GGA2: variants seen among roughly 807,000 people sequenced by gnomAD.
GGA2 encodes the protein golgi associated, gamma adaptin ear containing, ARF binding protein 2, also known as ADP-ribosylation factor-binding protein GGA2.
A neutral mutation model predicts 79.5 loss-of-function variants in GGA2; 48 were observed. That is an observed-to-expected ratio of 0.60 (90% CI 0.48 to 0.77). The LOEUF (loss-of-function observed/expected upper bound fraction) is 0.77. Ranked by LOEUF, GGA2 falls within the 30% of genes least tolerant of loss-of-function variation. The pLI is 0.00. For synonymous variants in GGA2, 317 were observed against 302.0 expected (o/e 1.05, Z -0.51); for missense variants, 770 against 774.0 (o/e 0.99, Z 0.06).
intron 1 of GGA2, among the ~76,000 whole-genome samples, chr16:23,509,361 G>C (rs1181668374): frequency 6.6e-6 from 1 of 152,222 alleles, no homozygotes; most frequent in East Asian, 1.9e-4. Flanking sequence ...AGTTTCTTCT[G>C]CCTGGAATGC....
At chr16:23,506,466 G>C (rs1249405717) in intron 1 of GGA2, among the ~76,000 whole-genome samples, 4 of 152,158 alleles carry the variant, frequency 2.6e-5, no homozygotes, top group Admixed American at 6.5e-5. Context: ...GCGGGGAGAT[G>C]GGTAGGAGTG....
intron 1 of GGA2, among the ~76,000 whole-genome samples, chr16:23,501,781 T>TTTC (rs1964924465): frequency 6.6e-6 from 1 of 152,202 alleles, no homozygotes; most frequent in Non-Finnish European, 1.5e-5. Flanking sequence ...TGTTTAGGAT[T>TTTC]TTCATCGAGA....
chr16:23,520,940 T>C lies in GGA2; in HGVS notation c.8+853A>G, dbSNP rs533072534. Among the ~76,000 whole-genome samples the C allele has an allele frequency of 4.6e-5, 7 of 152,180 alleles. No homozygotes were observed. In the South Asian group the frequency reaches 6.2e-4, roughly 14 times the overall value. ...CCAAGTAGCTGGGATTATAGGTATG[T>C]ACCACCACACCTGGCTAATTTTTGT... On this transcript the variant is annotated intron_variant, in intron 1 of 5. Transcript: ENST00000569300.
At chr16:23,478,989 C>G (rs748968554) in intron 11 of GGA2, 78 bp from the exon 12 acceptor site, 6 of 962,988 alleles carry the variant, frequency 6.2e-6, no homozygotes, top group Admixed American at 3.4e-5. Context: ...CACACCCATC[C>G]TTTCTAGGAC....
intron 16 of GGA2, among the ~76,000 whole-genome samples, chr16:23,468,065 A>G (rs1326394581): frequency 1.3e-5 from 2 of 152,172 alleles, no homozygotes; most frequent in African/African-American, 4.8e-5. Flanking sequence ...GATATTCCAC[A>G]TATACCCCTA....
At chr16:23,517,060 C>T (rs574873854) in intron 2 of GGA2, among the ~76,000 whole-genome samples, 3 of 152,226 alleles carry the variant, frequency 2.0e-5, no homozygotes, top group South Asian at 4.1e-4. Flanking sequence ...CTGCTAAGTA[C>T]GATAATAAAT....
rs1027473119 is a variant in GGA2 at position 23,466,799 on chromosome 16, G to A, written c.*791C>T. On this transcript the variant is annotated 3_prime_UTR_variant, in exon 17 of 17. Transcript: ENST00000309859. ...AAATGCTGTGAAGGAAGAGGATGAG[G>A]ATGGAGATGAGGATCCTGAGAAGGG... is the stretch of plus-strand genomic sequence containing the variant. The A allele has an allele frequency of 1.3e-5, 2 of 152,876 alleles. No individual in the cohort carries two copies. The highest frequency in any genetic ancestry group is 1.3e-4 in the Admixed American group (2 of 15,292). The allele number at this position is 152,876 out of a possible 1,614,324, so 9.5% of individuals were successfully genotyped here.
In GGA2 at chr16:23,465,041, G is replaced by A; in HGVS notation, c.*2549C>T. 1 of 467,004 alleles carries A rather than the reference G, an allele frequency of 2.1e-6. No homozygotes were observed. Among genetic ancestry groups the A allele is most frequent in the East Asian group, 3.8e-5 (1 of 26,464 alleles). 28.9% of individuals were successfully genotyped at this position (467,004 alleles called of 1,614,324 possible). On this transcript the variant is annotated 3_prime_UTR_variant, in exon 17 of 17. Transcript: ENST00000309859. The stretch of plus-strand genomic sequence containing the variant: ...CCCGAAGAGTTCAAGATACTGGAAA[G>A]CACTGGCCATGAGTGCCAGATCTCC...
chr16:23,493,052 C>T (rs916984296), intron 4 of GGA2, among the ~76,000 whole-genome samples: 2 of 152,192 alleles, frequency 1.3e-5, no homozygotes, highest in Non-Finnish European at 2.9e-5. Flanking sequence ...AACTTTCACG[C>T]CACCCCTGGG....
intron 10 of GGA2, 60 bp downstream of exon 10, chr16:23,480,585 T>G: frequency 6.7e-7 from 1 of 1,486,022 alleles, no homozygotes; most frequent in Non-Finnish European, 9.3e-7. Context: ...ACCCATTTCT[T>G]TTCTGGGAAT....
At chr16:23,495,845 A>G (rs111556252) in intron 1 of GGA2, 67 bp from the exon 2 acceptor site, 1 of 959,490 alleles carries the variant, frequency 1.0e-6, no homozygotes, top group Non-Finnish European at 1.6e-6. Context: ...CCCCATACAC[A>G]TGGTGGCCAA....
At chr16:23,472,296 C>T (rs1348474601) in intron 14 of GGA2, among the ~76,000 whole-genome samples, 5 of 146,786 alleles carry the variant, frequency 3.4e-5, no homozygotes, top group East Asian at 4.2e-4. Context: ...CAGGTTCAAG[C>T]GATTCTCTTG....
chr16:23,505,573 A>C (rs1964965717), intron 1 of GGA2, among the ~76,000 whole-genome samples: 1 of 152,194 alleles, frequency 6.6e-6, no homozygotes, highest in Non-Finnish European at 1.5e-5. Context: ...TTAAGGCATG[A>C]GATTCTGGTA....
chr16:23,472,809 C>T (rs1276587702), intron 14 of GGA2, among the ~76,000 whole-genome samples: 1 of 151,812 alleles, frequency 6.6e-6, no homozygotes, highest in Non-Finnish European at 1.5e-5. Flanking sequence ...CCGAGGTGGG[C>T]AGATCACGAG....
In GGA2 at chr16:23,517,370, C is replaced by T; in HGVS notation, c.61+2217G>A. Reference sequence around the variant, plus strand: ...TCAGCCTCCCAAGTAGCTGGGACTACAGGCGCCTGCCACTACGCCCGGCTA... The same window carrying T: ...TCAGCCTCCCAAGTAGCTGGGACTATAGGCGCCTGCCACTACGCCCGGCTA... On this transcript the variant is annotated intron_variant, in intron 2 of 5. Transcript: ENST00000569300. 5.3e-5 allele frequency among the ~76,000 whole-genome samples: 2 copies of T among 37,424 alleles called. 1 individual carries two copies. The highest frequency in any genetic ancestry group is 1.2e-4 in the Non-Finnish European group (2 of 16,702). The allele number at this position is 37,424 out of a possible 152,430, so 24.6% of individuals were successfully genotyped here.
At chr16:23,493,226 G>A (rs1328725866) in intron 4 of GGA2, 134 bp downstream of exon 4, 7 of 649,606 alleles carry the variant, frequency 1.1e-5, no homozygotes, top group Non-Finnish European at 2.0e-5. Context: ...AGCTTGGAGA[G>A]GAGAGCGCTT....
chr16:23,478,712 C>T (rs766395381), intron 12 of GGA2, 171 bp downstream of exon 12: 9 of 735,590 alleles, frequency 1.2e-5, no homozygotes, highest in Non-Finnish European at 2.2e-5. Flanking sequence ...CCTGTCTCCC[C>T]CAGGTATCAG....
chr16:23,490,918 G>A (rs1327697267), intron 5 of GGA2, among the ~76,000 whole-genome samples: 1 of 151,900 alleles, frequency 6.6e-6, no homozygotes, highest in East Asian at 1.9e-4. Flanking sequence ...ACTATTTCAG[G>A]AAAAGAGGTT....
chr16:23,488,409 ACAGACTGGCC>A (rs1203239092), intron 6 of GGA2, among the ~76,000 whole-genome samples, 187 bp downstream of exon 6: 3 of 152,166 alleles, frequency 2.0e-5, no homozygotes, highest in African/African-American at 7.2e-5. Flanking sequence ...CTGAATCAAA[ACAGACTGGCC>A]CTTATTAGTT....
Sources: allele counts gnomAD v4.1 joint callset (sites outside exome capture counted in the v4.1 genomes callset), GRCh38; gene constraint gnomAD v4.1.1; transcripts MANE v1.5; gene names NCBI Gene and HGNC (gene_info 2026-07-23, HGNC 2026-07-21).